The following P2RY8 variants were observed in gnomAD, a reference collection of about 807,000 sequenced individuals.
The protein encoded by P2RY8 is P2Y receptor family member 8.
Under a neutral mutation model 10.0 loss-of-function variants are expected in P2RY8, and 6 were observed. The ratio of observed to expected loss-of-function variants is 0.60; its 90% CI spans 0.33 to 1.19. P2RY8 has a LOEUF of 1.19. P2RY8 is among the 50% of genes most tolerant of loss of function. The pLI is 0.04. For synonymous variants in P2RY8, 276 were observed against 252.5 expected, an observed-to-expected ratio of 1.09 and a Z score of -0.88; for missense variants, 456 against 542.0, an observed-to-expected ratio of 0.84 and a Z score of 1.58.
chrX:1,463,923 C>T lies in P2RY8; in HGVS notation c.*1556G>A, dbSNP rs112006672. 0.018 allele frequency: 4,274 copies of T among 233,234 alleles called. 69 individuals are homozygous for T. The highest frequency in any genetic ancestry group is 0.031 in the Middle Eastern group (24 of 786). 14.4% of individuals were successfully genotyped at this position (233,234 alleles called of 1,614,324 possible). On this transcript the variant is annotated 3_prime_UTR_variant, in exon 2 of 2. Coordinates refer to ENST00000381297, the MANE Select transcript of P2RY8 (RefSeq NM_178129.5). The stretch of plus-strand genomic sequence containing the variant: ...TTACTTAATTACATTTGGAAAGACC[C>T]GATTTTCAAACATGGTCCCATCCTG...
chrX:1,503,852 G>A (rs1385309403), intron 1 of P2RY8, among the ~76,000 whole-genome samples: 3 of 151,944 alleles, frequency 2.0e-5, no homozygotes, highest in African/African-American at 2.4e-5. Context: ...CTGAGATCAT[G>A]CCACTGTACT....
intron 1 of P2RY8, among the ~76,000 whole-genome samples, chrX:1,509,205 ACC>A (rs1311838152): frequency 1.4e-5 from 2 of 145,986 alleles, no homozygotes; most frequent in African/African-American, 2.6e-5. Flanking sequence ...CTATGTATCT[ACC>A]TATCTAGCCA....
At chrX:1,528,196 C>A (rs1434469464) in intron 1 of P2RY8, among the ~76,000 whole-genome samples, 4 of 152,338 alleles carry the variant, frequency 2.6e-5, no homozygotes, top group Admixed American at 1.3e-4. Flanking sequence ...TGTAGATGGA[C>A]AACAGCGCCT....
chrX:1,530,431 G>GTATC (rs1172673834), intron 1 of P2RY8, among the ~76,000 whole-genome samples: 2 of 150,888 alleles, frequency 1.3e-5, no homozygotes, highest in Non-Finnish European at 3.0e-5. Flanking sequence ...ATGTATCTAT[G>GTATC]TATCTATCTA....
chrX:1,508,966 T>C (rs1485511503), intron 1 of P2RY8, among the ~76,000 whole-genome samples: 36 of 151,482 alleles, frequency 2.4e-4, no homozygotes, highest in South Asian at 6.3e-4. Context: ...TATGTATCTA[T>C]CCATCTATTC....
intron 1 of P2RY8, among the ~76,000 whole-genome samples, chrX:1,493,149 G>T (rs1361064232): frequency 6.6e-6 from 1 of 150,416 alleles, no homozygotes; most frequent in African/African-American, 2.5e-5. Flanking sequence ...TTAGCCGGGC[G>T]TTGGGGTGGG....
At chrX:1,524,941 T>G (rs867833510) in intron 1 of P2RY8, among the ~76,000 whole-genome samples, 1 of 148,866 alleles carries the variant, frequency 6.7e-6, no homozygotes, top group African/African-American at 2.5e-5. Flanking sequence ...ATCCATCCAC[T>G]CATTCATTCA....
chrX:1,533,002 C>CAAAAAAA (rs56945483), intron 1 of P2RY8, among the ~76,000 whole-genome samples: 3 of 76,068 alleles, frequency 3.9e-5, no homozygotes, highest in African/African-American at 1.1e-4. Context: ...AACTCTGTCT[C>CAAAAAAA]AAAAAAAAAA....
chrX:1,495,924 A>G (rs1214641706), intron 1 of P2RY8, among the ~76,000 whole-genome samples: 55 of 141,422 alleles, frequency 3.9e-4, no homozygotes, highest in East Asian at 2.5e-3. Flanking sequence ...ACACACAGAG[A>G]GATGACCCTG....
In P2RY8 at chrX:1,465,659, G is replaced by T; in HGVS notation, c.900C>A (p.Phe300Leu). Residue 300 changes from phenylalanine to leucine, a missense_variant, in exon 2 of 2, where the codon TTC becomes TTA. Transcript: ENST00000381297. The part of the protein sequence containing the change: ...PFVYYFASRE[F>L]QLRLREYLGC... ...CCAAATATTCCCGCAGGCGCAGCTG[G>T]AATTCCCGGGACGCAAAGTAATAAA... 6.2e-7 allele frequency: 1 copy of T among 1,613,600 alleles called. No individual in the cohort carries two copies. The highest frequency in any genetic ancestry group is 8.5e-7 in the Non-Finnish European group (1 of 1,179,842).
chrX:1,515,441 T>A (rs1394561238), intron 1 of P2RY8, among the ~76,000 whole-genome samples: 1 of 150,780 alleles, frequency 6.6e-6, no homozygotes, highest in Non-Finnish European at 1.5e-5. Context: ...GCACAATCTC[T>A]GCTCACCGCA....
chrX:1,531,552 C>T (rs35332071), intron 1 of P2RY8, among the ~76,000 whole-genome samples: 15,134 of 152,084 alleles, frequency 0.1, 913 homozygotes, highest in Non-Finnish European at 0.14. Flanking sequence ...GCCATTCCAC[C>T]AACTCATCAT....
Position 1,465,639 on chromosome X carries a change from T to C in P2RY8, c.920A>G (p.Tyr307Cys), listed in dbSNP as rs1219345563. 6.8e-6 allele frequency: 11 copies of C among 1,613,222 alleles called. No homozygotes were observed. Among genetic ancestry groups the C allele is most frequent in the Non-Finnish European group, 9.3e-6 (11 of 1,179,802 alleles). ...TCTGGGCACCCGGCGGCAGCCCAAA[T>C]ATTCCCGCAGGCGCAGCTGGAATTC... ...SREFQLRLRE[Y>C]LGCRRVPRDT... is the part of the protein sequence containing the mutation. Residue 307 changes from tyrosine (Y) to cysteine (C), a missense_variant, in exon 2 of 2, where the codon TAT becomes TGT. Coordinates refer to ENST00000381297, the MANE Select transcript of P2RY8 (RefSeq NM_178129.5).
chrX:1,498,781 G>A (rs1381169150), intron 1 of P2RY8, among the ~76,000 whole-genome samples: 1 of 151,572 alleles, frequency 6.6e-6, no homozygotes, highest in African/African-American at 2.4e-5. Flanking sequence ...CTTGTGATCC[G>A]CCCTCCTCAG....
intron 1 of P2RY8, among the ~76,000 whole-genome samples, chrX:1,527,929 C>T (rs2092449820): frequency 6.6e-6 from 1 of 152,154 alleles, no homozygotes; most frequent in African/African-American, 2.4e-5. Context: ...AAGTCACAGC[C>T]CCTACAGGGA....
chrX:1,533,670 A>G lies in P2RY8; in HGVS notation c.-25+3251T>C, dbSNP rs1329650051. 1.6e-5 allele frequency among the ~76,000 whole-genome samples: 2 copies of G among 126,782 alleles called. 1 individual carries two copies. Among genetic ancestry groups the G allele is most frequent in the Admixed American group, 1.7e-4 (2 of 11,866 alleles). 83.2% of individuals were successfully genotyped at this position (126,782 alleles called of 152,430 possible). ...TTATTTACATATTTATTATTTAAAT[A>G]TATTTTATATTTATATATTATTTAT... On this transcript the variant is annotated intron_variant, in intron 1 of 1. Transcript: ENST00000381297.
chrX:1,462,821 T>C lies in P2RY8; in HGVS notation c.*2658A>G, dbSNP rs2091602373. 2 of 232,880 alleles carry C rather than the reference T, an allele frequency of 8.6e-6. No homozygotes were observed. The highest frequency in any genetic ancestry group is 5.6e-5 in the Admixed American group (1 of 17,720). The allele number at this position is 232,880 out of a possible 1,614,324, so 14.4% of individuals were successfully genotyped here. On this transcript the variant is annotated 3_prime_UTR_variant, in exon 2 of 2. Coordinates refer to ENST00000381297, the MANE Select transcript of P2RY8 (RefSeq NM_178129.5). ...AGAACAGAAGTAAAGTTTTCCATCT[T>C]AAAACATGTGTGTGAGTCAATAGAC...
At chrX:1,483,503 G>A (rs1265179527) in intron 1 of P2RY8, among the ~76,000 whole-genome samples, 8 of 152,090 alleles carry the variant, frequency 5.3e-5, no homozygotes, top group South Asian at 2.1e-4. Context: ...GCATGGAGGC[G>A]CATGCCTGTA....
chrX:1,496,589 T>C (rs1267141715), intron 1 of P2RY8, among the ~76,000 whole-genome samples: 1 of 152,048 alleles, frequency 6.6e-6, no homozygotes, highest in Non-Finnish European at 1.5e-5. Context: ...AGGAAGGTGG[T>C]GTCCCCTTAA....
Sources: gnomAD v4.1 joint callset for allele counts (sites outside exome capture counted in the v4.1 genomes callset) on GRCh38, gnomAD v4.1.1 for gene constraint, MANE v1.5 for transcripts, NCBI Gene and HGNC (gene_info 2026-07-23, HGNC 2026-07-21) for gene names.